The following ASIC2 variants were observed in gnomAD, a reference collection of about 807,000 sequenced individuals.
ASIC2 encodes the protein acid-sensing ion channel 2.
A neutral mutation model predicts 57.3 loss-of-function variants in ASIC2; 25 were observed. The ratio of observed to expected loss-of-function variants is 0.44; its 90% confidence interval spans 0.32 to 0.61. The LOEUF is 0.61. Ranked by LOEUF, ASIC2 falls within the 20% of genes least tolerant of loss-of-function variation. The pLI, the probability that ASIC2 is intolerant of heterozygous loss-of-function variation, is 0.06. For missense variants in ASIC2, 641 were observed against 738.1 expected, an observed-to-expected ratio of 0.87 and a Z score of 1.52; for synonymous variants, 319 against 307.5, an observed-to-expected ratio of 1.04 and a Z score of -0.39.
At chr17:33,323,077 C>T (rs1464701363) in intron 1 of ASIC2, among the ~76,000 whole-genome samples, 2 of 152,190 alleles carry the variant, frequency 1.3e-5, no homozygotes, top group African/African-American at 4.8e-5. Context: ...CTCTCACATG[C>T]TGCTGGTAGG....
chr17:33,176,873 G>A (rs1432822404), intron 1 of ASIC2, among the ~76,000 whole-genome samples: 1 of 152,156 alleles, frequency 6.6e-6, no homozygotes, highest in Non-Finnish European at 1.5e-5. Flanking sequence ...GGAAGGGTGA[G>A]CATGTGCCTC....
In ASIC2 at chr17:33,236,310, A is replaced by T. The variant is rs183879639; in HGVS notation, c.708+55098T>A. On this transcript the variant is annotated intron_variant, in intron 1 of 9. Coordinates refer to ENST00000225823, the MANE Select transcript of ASIC2 (RefSeq NM_183377.2). ...ATTCATGTCCACCTGGAACCTTGAA[A>T]TGTGACCCTATTTAAAATTAGGGTC... 2.1e-3 allele frequency among the ~76,000 whole-genome samples: 319 copies of T among 152,152 alleles called. 2 individuals are homozygous for T. Among genetic ancestry groups the T allele is most frequent in the African/African-American group, 7.2e-3 (297 of 41,508 alleles).
intron 1 of ASIC2, among the ~76,000 whole-genome samples, chr17:34,123,196 A>C (rs540475985): frequency 6.6e-6 from 1 of 152,234 alleles, no homozygotes; most frequent in Non-Finnish European, 1.5e-5. Context: ...CTGGTCTATT[A>C]AGATTCTCTC....
intron 1 of ASIC2, among the ~76,000 whole-genome samples, chr17:33,817,006 C>T (rs888947597): frequency 6.6e-6 from 1 of 152,252 alleles, no homozygotes; most frequent in African/African-American, 2.4e-5. Flanking sequence ...GCTCACACCG[C>T]CTGGCAGGCA....
intron 1 of ASIC2, among the ~76,000 whole-genome samples, chr17:33,170,367 C>T (rs1905464783): frequency 6.6e-6 from 1 of 152,058 alleles, no homozygotes. Flanking sequence ...AAATGATCTC[C>T]CATTGTTGTT....
chr17:33,933,170 C>A (rs1027616874), intron 1 of ASIC2, among the ~76,000 whole-genome samples: 1 of 152,202 alleles, frequency 6.6e-6, no homozygotes, highest in East Asian at 1.9e-4. Context: ...GCTGTTACTT[C>A]TGCCTAAAAC....
intron 1 of ASIC2, among the ~76,000 whole-genome samples, chr17:34,097,538 G>C (rs540758951): frequency 5.3e-5 from 8 of 152,190 alleles, no homozygotes; most frequent in Non-Finnish European, 1.0e-4. Flanking sequence ...CACTGGAGTA[G>C]GATGGGCTCC....
intron 2 of ASIC2, among the ~76,000 whole-genome samples, chr17:33,105,621 C>T (rs1051539426): frequency 1.3e-5 from 2 of 152,156 alleles, no homozygotes; most frequent in African/African-American, 2.4e-5. Context: ...GTTTGGAGGG[C>T]TCAGAAGAAG....
At chr17:33,109,160 T>C (rs2141984364) in intron 2 of ASIC2, among the ~76,000 whole-genome samples, 1 of 152,286 alleles carries the variant, frequency 6.6e-6, no homozygotes, top group South Asian at 2.1e-4. Context: ...GCTTGGGTGA[T>C]GGGTGCAATA....
rs1416707107 is a variant in ASIC2 at position 33,292,766 on chromosome 17, C to A, written c.-651G>T. On this transcript the variant is annotated 5_prime_UTR_variant, in exon 1 of 10. Coordinates refer to ENST00000225823, the MANE Select transcript of ASIC2 (RefSeq NM_183377.2). ...GCCTTGCCGGCTGCCGCCTTCTTTC[C>A]CTTCCCCTCCAGGACCCTTCCTTGT... is the stretch of plus-strand genomic sequence containing the variant. 1.0e-6 allele frequency: 1 copy of A among 986,036 alleles called. No homozygotes were observed. The highest frequency in any genetic ancestry group is 1.2e-6 in the Non-Finnish European group (1 of 830,460). 61.1% of individuals were successfully genotyped at this position (986,036 alleles called of 1,614,324 possible). A position where few individuals can be genotyped will look rare whatever the true frequency, so the allele number is the denominator to read the frequency against.
At chr17:33,367,256 G>A (rs1375870363) in intron 1 of ASIC2, among the ~76,000 whole-genome samples, 1 of 152,222 alleles carries the variant, frequency 6.6e-6, no homozygotes, top group African/African-American at 2.4e-5. Context: ...TATAGGGCAG[G>A]CCTAGAAGAG....
chr17:33,873,602 TG>T (rs772507762), intron 1 of ASIC2, among the ~76,000 whole-genome samples: 2 of 152,174 alleles, frequency 1.3e-5, no homozygotes, highest in East Asian at 1.9e-4. Context: ...CTGTAAAAAT[TG>T]GGTAATAATA....
At chr17:33,426,049 T>G (rs902901711) in intron 1 of ASIC2, among the ~76,000 whole-genome samples, 1 of 152,140 alleles carries the variant, frequency 6.6e-6, no homozygotes, top group Non-Finnish European at 1.5e-5. Context: ...TTCTTCAACC[T>G]GCCACTCAGC....
chr17:34,097,181 A>C (rs773498816), intron 1 of ASIC2, among the ~76,000 whole-genome samples: 26 of 152,344 alleles, frequency 1.7e-4, no homozygotes, highest in Non-Finnish European at 3.7e-4. Context: ...GGATATGCCA[A>C]GCAGTCTTTT....
At chr17:33,123,324 G>A (rs1416013473) in intron 1 of ASIC2, among the ~76,000 whole-genome samples, 2 of 152,192 alleles carry the variant, frequency 1.3e-5, no homozygotes, top group East Asian at 3.9e-4. Flanking sequence ...AAAGAAGGCA[G>A]TTCTGTCATT....
intron 1 of ASIC2, among the ~76,000 whole-genome samples, chr17:33,171,144 G>A (rs984408057): frequency 6.6e-6 from 1 of 152,180 alleles, no homozygotes; most frequent in Non-Finnish European, 1.5e-5. Flanking sequence ...GATGGTACCG[G>A]GAATTAGAAG....
intron 1 of ASIC2, among the ~76,000 whole-genome samples, chr17:33,564,668 C>A (rs970109138): frequency 1.3e-5 from 2 of 152,216 alleles, no homozygotes; most frequent in African/African-American, 4.8e-5. Flanking sequence ...GAGCAAGCCC[C>A]CCAAAATCTG....
intron 3 of ASIC2, among the ~76,000 whole-genome samples, chr17:33,047,218 C>T (rs1403859401): frequency 1.3e-5 from 2 of 152,188 alleles, no homozygotes; most frequent in East Asian, 3.9e-4. Flanking sequence ...ATGTTCTTGA[C>T]CCCCTTCCCT....
chr17:33,749,611 A>T (rs1357489857), intron 1 of ASIC2, among the ~76,000 whole-genome samples: 1 of 151,554 alleles, frequency 6.6e-6, no homozygotes, highest in Non-Finnish European at 1.5e-5. Flanking sequence ...TCCCTCCCAC[A>T]CCTCAGAGCT....
Sources: allele counts gnomAD v4.1 joint callset (sites outside exome capture counted in the v4.1 genomes callset), GRCh38; gene constraint gnomAD v4.1.1; transcripts MANE v1.5; gene names NCBI Gene and HGNC (gene_info 2026-07-23, HGNC 2026-07-21).